PREP: variants seen among roughly 807,000 people sequenced by gnomAD.
PREP encodes dJ355L5.1 (prolyl endopeptidase).
A neutral mutation model predicts 87.6 loss-of-function variants in PREP; 29 were observed. The ratio of observed to expected loss-of-function variants is 0.33; its 90% CI spans 0.25 to 0.45. The LOEUF (loss-of-function observed/expected upper bound fraction) is 0.45, where lower values mean the gene tolerates loss of function less well. Ranked by LOEUF, PREP falls within the 20% of genes least tolerant of loss-of-function variation. The pLI, the probability that PREP is intolerant of heterozygous loss-of-function variation, is 1.00. For missense variants in PREP, 695 were observed against 886.5 expected (o/e 0.78, Z 2.74); for synonymous variants, 337 against 328.6 (o/e 1.03, Z -0.28).
chr6:105,342,010 G>A (rs1034227404), intron 7 of PREP, among the ~76,000 whole-genome samples: 4 of 152,190 alleles, frequency 2.6e-5, no homozygotes, highest in Non-Finnish European at 5.9e-5. Flanking sequence ...TAGAAAAAGA[G>A]GGAATCCTCC....
At chr6:105,292,970 T>C (rs1562189028) in intron 10 of PREP, among the ~76,000 whole-genome samples, 1 of 152,250 alleles carries the variant, frequency 6.6e-6, no homozygotes, top group Non-Finnish European at 1.5e-5. Context: ...ACTGCTTTGC[T>C]ATGGATTTGG....
At chr6:105,304,501 A>T (rs1036856418) in intron 10 of PREP, among the ~76,000 whole-genome samples, 6 of 152,180 alleles carry the variant, frequency 3.9e-5, no homozygotes, top group African/African-American at 1.4e-4. Flanking sequence ...GCTCTTAGCC[A>T]CTGTAAAAAG....
In PREP at chr6:105,345,832, G is replaced by A. The variant is rs75240195; in HGVS notation, c.823+7140C>T. On this transcript the variant is annotated intron_variant, in intron 7 of 14. Coordinates refer to ENST00000652536, the MANE Select transcript of PREP (RefSeq NM_002726.5). ...CTGGGGATAATAATCCGTGCTCCTC[G>A]GAAGCTGTTGAGAAGACTGAATGAG... 7.9e-3 allele frequency among the ~76,000 whole-genome samples: 1,202 copies of A among 152,228 alleles called. 14 individuals are homozygous for A. The highest frequency in any genetic ancestry group is 0.024 in the African/African-American group (1,003 of 41,546).
intron 14 of PREP, among the ~76,000 whole-genome samples, chr6:105,279,948 T>C (rs1050277981): frequency 6.6e-6 from 1 of 152,254 alleles, no homozygotes; most frequent in Non-Finnish European, 1.5e-5. Context: ...TCTTCAAATA[T>C]ATAGCTTCTA....
intron 10 of PREP, among the ~76,000 whole-genome samples, chr6:105,320,220 C>T (rs1252872491): frequency 6.6e-6 from 1 of 152,210 alleles, no homozygotes; most frequent in African/African-American, 2.4e-5. Context: ...GAATCAATTG[C>T]AGATTTGATA....
chr6:105,386,885 T>C (rs1325610157), intron 2 of PREP, among the ~76,000 whole-genome samples: 2 of 152,168 alleles, frequency 1.3e-5, no homozygotes, highest in Non-Finnish European at 2.9e-5. Flanking sequence ...CAGAATGGGA[T>C]GGTGAATTAG....
intron 10 of PREP, among the ~76,000 whole-genome samples, chr6:105,320,434 C>T (rs910603247): frequency 2.0e-5 from 3 of 152,214 alleles, no homozygotes; most frequent in Non-Finnish European, 4.4e-5. Flanking sequence ...CCCTCACCTT[C>T]CCAGTCGAGA....
At chr6:105,382,661 T>G (rs1340492398) in intron 2 of PREP, among the ~76,000 whole-genome samples, 1 of 141,076 alleles carries the variant, frequency 7.1e-6, no homozygotes, top group Non-Finnish European at 1.5e-5. Context: ...GAATGAAAGA[T>G]AAAGATATGT....
intron 1 of PREP, among the ~76,000 whole-genome samples, chr6:105,398,814 T>C (rs562274769): frequency 3.3e-5 from 5 of 152,164 alleles, no homozygotes; most frequent in African/African-American, 4.8e-5. Context: ...CCATCAAGAT[T>C]AACCCCATTA....
intron 7 of PREP, among the ~76,000 whole-genome samples, chr6:105,336,914 C>T (rs777175410): frequency 5.3e-5 from 8 of 152,066 alleles, no homozygotes; most frequent in Non-Finnish European, 1.0e-4. Context: ...ATCGCTTTGG[C>T]TGTGTCTGAT....
At chr6:105,378,279 C>T (rs141337052) in intron 2 of PREP, among the ~76,000 whole-genome samples, 180 of 152,248 alleles carry the variant, frequency 1.2e-3, no homozygotes, top group African/African-American at 3.9e-3. Flanking sequence ...GCCAGCATGG[C>T]GAAACCCTGT....
chr6:105,314,951 CAT>C (rs893031235), intron 10 of PREP, among the ~76,000 whole-genome samples: 57 of 152,168 alleles, frequency 3.7e-4, no homozygotes, highest in Admixed American at 3.6e-3. Flanking sequence ...ATAAACACAA[CAT>C]TCATCTCTTT....
At chr6:105,363,062 CAT>C (rs1354441325) in intron 6 of PREP, among the ~76,000 whole-genome samples, 4 of 152,044 alleles carry the variant, frequency 2.6e-5, no homozygotes, top group African/African-American at 7.3e-5. Context: ...ATGTGTAATA[CAT>C]ATGTTTTTAA....
chr6:105,375,639 C>T (rs1772668424), intron 4 of PREP, among the ~76,000 whole-genome samples: 1 of 152,234 alleles, frequency 6.6e-6, no homozygotes, highest in Non-Finnish European at 1.5e-5. Context: ...TGTGTTTTTA[C>T]TTGTAATTCT....
chr6:105,291,678 T>C (rs1770299358), intron 10 of PREP, among the ~76,000 whole-genome samples: 1 of 152,210 alleles, frequency 6.6e-6, no homozygotes, highest in African/African-American at 2.4e-5. Context: ...AGACAGCCTA[T>C]TGTGGGACCT....
At position 105,275,271 on chromosome 6, in the gene PREP, A is replaced by C. The variant is rs1769911167; in HGVS notation, c.*2873T>G. ...ACTGACAAACCTTGAGAGACTGGTG[A>C]CAGGCTTCCTTAGTTGAAACTTATC... is the stretch of plus-strand genomic sequence containing the variant. On this transcript the variant is annotated 3_prime_UTR_variant, in exon 15 of 15. Transcript: ENST00000652536. Among the ~76,000 whole-genome samples, 1 of 152,238 alleles carries C rather than the reference A, an allele frequency of 6.6e-6. No homozygotes were observed. Among genetic ancestry groups the C allele is most frequent in the Admixed American group, 6.5e-5 (1 of 15,290 alleles).
intron 6 of PREP, among the ~76,000 whole-genome samples, chr6:105,363,214 G>C (rs1338251938): frequency 1.3e-5 from 2 of 152,138 alleles, no homozygotes; most frequent in African/African-American, 4.8e-5. Flanking sequence ...GATTTAGGGA[G>C]ATAATCACAA....
chr6:105,365,025 G>A (rs1031614079), intron 6 of PREP, among the ~76,000 whole-genome samples: 12 of 152,176 alleles, frequency 7.9e-5, no homozygotes, highest in Admixed American at 3.9e-4. Flanking sequence ...CAAGATGGGC[G>A]GATCAGAGGT....
intron 10 of PREP, among the ~76,000 whole-genome samples, chr6:105,314,311 G>T (rs1770816945): frequency 6.6e-6 from 1 of 152,170 alleles, no homozygotes; most frequent in South Asian, 2.1e-4. Flanking sequence ...AAACAACAAT[G>T]AAGTTTGCCC....
Sources: allele counts gnomAD v4.1 joint callset (sites outside exome capture counted in the v4.1 genomes callset), GRCh38; gene constraint gnomAD v4.1.1; transcripts MANE v1.5; gene names NCBI Gene and HGNC (gene_info 2026-07-23, HGNC 2026-07-21).